MARCHF6: variants seen among roughly 807,000 people sequenced by gnomAD.
MARCHF6 encodes the protein E3 ubiquitin-protein ligase MARCHF6.
MARCHF6 carries 31 observed loss-of-function variants against 133.7 expected under a neutral mutation model. The ratio of observed to expected loss-of-function variants is 0.23; its 90% confidence interval spans 0.17 to 0.31. MARCHF6 has a LOEUF of 0.31. Ranked by LOEUF, MARCHF6 falls within the 10% of genes least tolerant of loss-of-function variation. MARCHF6 has a pLI of 1.00. For synonymous variants in MARCHF6, 395 were observed against 402.5 expected (o/e 0.98, Z 0.22); for missense variants, 723 against 1,121.6 (o/e 0.64, Z 5.08).
intron 3 of MARCHF6, among the ~76,000 whole-genome samples, chr5:10,380,919 T>A (rs1311049353): frequency 8.1e-5 from 12 of 148,758 alleles, no homozygotes; most frequent in Non-Finnish European, 1.8e-4. Context: ...AGAGTGAGAC[T>A]CTGACTCAAA....
chr5:10,360,460 C>G (rs1240725658), intron 1 of MARCHF6, among the ~76,000 whole-genome samples: 2 of 152,068 alleles, frequency 1.3e-5, no homozygotes, highest in African/African-American at 4.8e-5. Flanking sequence ...TTTGATTGTG[C>G]AGGAGGTCGG....
chr5:10,429,947 T>C lies in MARCHF6; in HGVS notation c.2561T>C (p.Leu854Pro). The C allele has an allele frequency of 1.9e-6, 3 of 1,613,828 alleles. No individual in the cohort carries two copies. The highest frequency in any genetic ancestry group is 2.5e-6 in the Non-Finnish European group (3 of 1,179,696). ...CATCGGCGGATTTATCCATTTTTAC[T>C]GATGGTCGTGGTATTGATGGCAATT... The part of the protein sequence containing the change: ...LVHRRIYPFL[L>P]MVVVLMAILS... Residue 854 changes from leucine (L) to proline (P), a missense_variant, in exon 25 of 26, where the codon CTG (leucine) becomes CCG (proline). Leu to Pro is a moderately conservative substitution (Grantham distance 98, BLOSUM62 -3). Transcript: ENST00000274140.
intron 11 of MARCHF6, chr5:10,401,815 A>G (rs2126761973): frequency 3.8e-6 from 2 of 531,048 alleles, no homozygotes; most frequent in Non-Finnish European, 6.6e-6. Context: ...AATTCACTCT[A>G]CTGTTATTTT....
At chr5:10,397,417 G>A in intron 10 of MARCHF6, 73 bp downstream of exon 10, 1 of 1,095,294 alleles carries the variant, frequency 9.1e-7, no homozygotes, top group East Asian at 2.4e-5. Flanking sequence ...CCTTGTTATA[G>A]GTTTATTATT....
In MARCHF6 at chr5:10,439,697, T is replaced by C. The variant is rs567539939; in HGVS notation, c.*6013T>C. The C allele has an allele frequency of 6.6e-6, 1 of 152,358 alleles. No individual in the cohort carries two copies. The highest frequency in any genetic ancestry group is 6.5e-5 in the Admixed American group (1 of 15,306). The allele number at this position is 152,358 out of a possible 1,614,324, so 9.4% of individuals were successfully genotyped here. A position where few individuals can be genotyped will look rare whatever the true frequency, so the allele number is the denominator to read the frequency against. ...TTCAACATTGAATCCAGAATGTTCTTCTTGAGATCCAAGTCAGATCACACC... is the reference window on the plus strand; with the variant it reads ...TTCAACATTGAATCCAGAATGTTCTCCTTGAGATCCAAGTCAGATCACACC... On this transcript the variant is annotated 3_prime_UTR_variant, in exon 26 of 26. Transcript: ENST00000274140.
intron 1 of MARCHF6, among the ~76,000 whole-genome samples, chr5:10,367,377 A>G (rs1561099493): frequency 6.6e-6 from 1 of 152,230 alleles, no homozygotes; most frequent in Non-Finnish European, 1.5e-5. Context: ...TGTGCTGGGT[A>G]TATGGGAACT....
intron 1 of MARCHF6, among the ~76,000 whole-genome samples, chr5:10,371,848 C>T (rs1736487203): frequency 6.6e-6 from 1 of 151,912 alleles, no homozygotes; most frequent in Admixed American, 6.6e-5. Context: ...AATTAAAAGA[C>T]ATGCAAGTTG....
chr5:10,437,943 A>G lies in MARCHF6; in HGVS notation c.*4259A>G, dbSNP rs1400928436. Reference sequence around the variant, plus strand: ...AGCCAGCATAGATAATCCAGATGTTATAATAGGAAGGAAAAACAACTCCAG... The same window carrying G: ...AGCCAGCATAGATAATCCAGATGTTGTAATAGGAAGGAAAAACAACTCCAG... On this transcript the variant is annotated 3_prime_UTR_variant, in exon 26 of 26. Coordinates refer to ENST00000274140, the MANE Select transcript of MARCHF6 (RefSeq NM_005885.4). 1 of 152,758 alleles carries G rather than the reference A, an allele frequency of 6.5e-6. No individual in the cohort carries two copies. The highest frequency in any genetic ancestry group is 1.5e-5 in the Non-Finnish European group (1 of 68,024). The allele number at this position is 152,758 out of a possible 1,614,324, so 9.5% of individuals were successfully genotyped here.
chr5:10,414,579 G>C (rs1373433147), intron 20 of MARCHF6, 77 bp downstream of exon 20: 5 of 1,211,004 alleles, frequency 4.1e-6, no homozygotes, highest in Non-Finnish European at 4.8e-6. Flanking sequence ...GTCTTGCTCT[G>C]TTCCCCAGTC....
Position 10,433,668 on chromosome 5 carries a change from A to G in MARCHF6, c.2717A>G (p.Gln906Arg), listed in dbSNP as rs771886422. Reference sequence around the variant, plus strand: ...CAAGGCTCATCTCCACCACCTCCACAGTCATCCCAAGAATAAAGTAGTTGT... The same window carrying G: ...CAAGGCTCATCTCCACCACCTCCACGGTCATCCCAAGAATAAAGTAGTTGT... ...GKQGSSPPPP[Q>R]SSQE Residue 906 changes from glutamine to arginine, a missense_variant, in exon 26 of 26, where the codon CAG becomes CGG. By Grantham distance (43) the Gln-to-Arg change is conservative. Around this residue, in one of 4 missense-constraint regions of MARCHF6, gnomAD observed 492 missense variants for 699.5 expected, o/e 0.70. Transcript: ENST00000274140. 1.2e-6 allele frequency: 2 copies of G among 1,614,006 alleles called. No homozygotes were observed. The highest frequency in any genetic ancestry group is 2.7e-5 in the African/African-American group (2 of 74,948).
chr5:10,401,786 T>C (rs914399089), intron 11 of MARCHF6: 5 of 499,708 alleles, frequency 1.0e-5, no homozygotes, highest in Non-Finnish European at 1.4e-5. Flanking sequence ...ATTACAGTGC[T>C]CTTGTTTTTG....
intron 24 of MARCHF6, 90 bp from the exon 25 acceptor site, chr5:10,429,803 C>T: frequency 9.4e-7 from 1 of 1,067,710 alleles, no homozygotes; most frequent in Non-Finnish European, 1.4e-6. Context: ...TTGTCTGCCC[C>T]AGTCCATTCT....
intron 17 of MARCHF6, among the ~76,000 whole-genome samples, chr5:10,407,958 C>G (rs974172301): frequency 1.4e-5 from 2 of 140,672 alleles, no homozygotes; most frequent in South Asian, 2.5e-4. Context: ...CTGCATCCCC[C>G]CCCCCCCAAA....
rs527868017 is a variant in MARCHF6 at position 10,425,306 on chromosome 5, T to G, written c.2374-1084T>G. Reference sequence around the variant, plus strand: ...TTGGGGGCTTCTGGCTTCATATCCCTTCAGGATCAGAGTGCAGGCCAGTAC... The same window carrying G: ...TTGGGGGCTTCTGGCTTCATATCCCGTCAGGATCAGAGTGCAGGCCAGTAC... On this transcript the variant is annotated intron_variant, in intron 23 of 25. Coordinates refer to ENST00000274140, the MANE Select transcript of MARCHF6 (RefSeq NM_005885.4). Among the ~76,000 whole-genome samples, 15 of 152,266 alleles carry G rather than the reference T, an allele frequency of 9.9e-5. No individual in the cohort carries two copies. In the South Asian group the frequency reaches 2.1e-3, roughly 21 times the overall value.
Position 10,391,532 on chromosome 5 carries a change from G to A in MARCHF6, c.577-10G>A, listed in dbSNP as rs971158789. 1.7e-5 allele frequency: 25 copies of A among 1,453,380 alleles called. No individual in the cohort carries two copies. The highest frequency in any genetic ancestry group is 2.2e-5 in the Non-Finnish European group (24 of 1,085,892). 90.0% of individuals were successfully genotyped at this position (1,453,380 alleles called of 1,614,324 possible). ...TGGATCTAAATTTCTGGGCTTTTCT[G>A]TGATTTTAGGCTCCAGCAGGAGGAA... On this transcript the variant is annotated splice_polypyrimidine_tract_variant and intron_variant, in intron 6 of 25. Coordinates refer to ENST00000274140, the MANE Select transcript of MARCHF6 (RefSeq NM_005885.4).
In MARCHF6 at chr5:10,378,815, G is replaced by C. The variant is rs1736942767; in HGVS notation, c.173G>C (p.Arg58Thr). ...RKEYCELCKHRFAFTPIYSPD... is the reference protein window; with the variant it reads ...RKEYCELCKHTFAFTPIYSPD... ...GAATACTGTGAATTATGCAAGCACA[G>C]ATTTGCTTTTACACCAAGTAAGTTC... is the stretch of plus-strand genomic sequence containing the variant. Residue 58 changes from arginine (R) to threonine (T), a missense_variant, in exon 3 of 26, where the codon AGA (arginine) becomes ACA (threonine). Transcript: ENST00000274140. 6.2e-7 allele frequency: 1 copy of C among 1,609,624 alleles called. No individual in the cohort carries two copies. Among genetic ancestry groups the C allele is most frequent in the Non-Finnish European group, 8.5e-7 (1 of 1,177,646 alleles).
At chr5:10,353,945 C>T (rs747773856) in intron 1 of MARCHF6, 28 bp downstream of exon 1, 1 of 1,540,650 alleles carries the variant, frequency 6.5e-7, no homozygotes, top group Admixed American at 1.9e-5. Context: ...GGCGCCCGAG[C>T]CCTTGCGTCG....
chr5:10,402,724 T>G (rs1738619398), intron 14 of MARCHF6, 117 bp downstream of exon 14: 1 of 937,460 alleles, frequency 1.1e-6, no homozygotes, highest in Non-Finnish European at 1.7e-6. Flanking sequence ...CTTATTCTTT[T>G]GGCATGTGTA....
chr5:10,438,965 T>C lies in MARCHF6; in HGVS notation c.*5281T>C, dbSNP rs375333855. 2 of 152,238 alleles carry C rather than the reference T, an allele frequency of 1.3e-5. No homozygotes were observed. Among genetic ancestry groups the C allele is most frequent in the African/African-American group, 2.4e-5 (1 of 41,460 alleles). The allele number at this position is 152,238 out of a possible 1,614,324, so 9.4% of individuals were successfully genotyped here. ...TGCCTCATTTTACATTGTTTAGTTA[T>C]CATTTTGAAACTTTTCTTCACATAT... On this transcript the variant is annotated 3_prime_UTR_variant, in exon 26 of 26. Coordinates refer to ENST00000274140, the MANE Select transcript of MARCHF6 (RefSeq NM_005885.4).
Sources: gnomAD v4.1 joint callset for allele counts (sites outside exome capture counted in the v4.1 genomes callset) on GRCh38, gnomAD v4.1.1 for gene constraint, gnomAD v4.1.1 regional missense constraint, MANE v1.5 for transcripts, NCBI Gene and HGNC (gene_info 2026-07-23, HGNC 2026-07-21) for gene names.